Variants in CLIP1 observed in about 807,000 individuals in gnomAD.
The protein encoded by CLIP1 is CAP-Gly domain containing linker protein 1.
A neutral mutation model predicts 161.6 loss-of-function variants in CLIP1; 66 were observed. That is an observed-to-expected ratio of 0.41 (90% confidence interval 0.33 to 0.50). CLIP1 has a LOEUF of 0.50. Among genes scored for constraint, CLIP1 ranks in the 20% least tolerant of loss-of-function variants. The pLI, the probability that CLIP1 is intolerant of heterozygous loss-of-function variation, is 0.27. For missense variants in CLIP1, 1,376 were observed against 1,702.0 expected (o/e 0.81, Z 3.37); for synonymous variants, 598 against 626.2 (o/e 0.96, Z 0.67).
Position 122,279,065 on chromosome 12 carries a change from G to A in CLIP1, c.3728C>T (p.Thr1243Ile), listed in dbSNP as rs1955544331. Residue 1243 changes from threonine to isoleucine, a missense_variant, in exon 22 of 26, where the codon ACA (threonine) becomes ATA (isoleucine). By Grantham distance (89) the Thr-to-Ile change is moderately conservative. Around this residue, in one of 6 missense-constraint regions of CLIP1, gnomAD observed 948 missense variants for 1,134.8 expected, o/e 0.84. Transcript: ENST00000620786. This position sits in a 1 kb window ranked among gnomAD's most constrained non-coding sequence, Gnocchi z 4.5. ...TTTCTCCAGCTCGGCATCCTTTTCT[G>A]TGAGTAAGGCACTAGTTATACTGAT... is the stretch of plus-strand genomic sequence containing the variant. Reference protein sequence around the residue: ...KSISITSALLTEKDAELEKLR... With the variant: ...KSISITSALLIEKDAELEKLR... 1 of 1,613,258 alleles carries A rather than the reference G, an allele frequency of 6.2e-7. No individual in the cohort carries two copies. Among genetic ancestry groups the A allele is most frequent in the Non-Finnish European group, 8.5e-7 (1 of 1,179,846 alleles).
chr12:122,365,684 A>AG (rs1954114769), intron 3 of CLIP1: 1 of 675,234 alleles, frequency 1.5e-6, no homozygotes, highest in Non-Finnish European at 2.6e-6. Context: ...ATTTAAAAAA[A>AG]AAAAAAAAGA....
rs1191020999 is a variant in CLIP1 at position 122,357,798 on chromosome 12, C to T, written c.1006-2486G>A. 1.1e-4 allele frequency among the ~76,000 whole-genome samples: 16 copies of T among 150,438 alleles called. 1 individual carries two copies. Among genetic ancestry groups the T allele is most frequent in the Non-Finnish European group, 7.4e-5 (5 of 67,324 alleles). On this transcript the variant is annotated intron_variant, in intron 5 of 25. Coordinates refer to ENST00000620786, the MANE Select transcript of CLIP1 (RefSeq NM_001247997.2). ...AGCCCCTCTGCCCGGCTAGCCGCCC[C>T]ATCCGGGAGGGAGGTGGGGGGGGTC... is the stretch of plus-strand genomic sequence containing the variant.
chr12:122,357,880 C>T (rs1301484694), intron 5 of CLIP1, among the ~76,000 whole-genome samples: 1 of 151,806 alleles, frequency 6.6e-6, no homozygotes, highest in Non-Finnish European at 1.5e-5. Flanking sequence ...TCTGCTCGGC[C>T]GCCCCTACTG....
intron 21 of CLIP1, among the ~76,000 whole-genome samples, 192 bp downstream of exon 21, chr12:122,288,297 T>A (rs1271922880): frequency 1.3e-5 from 2 of 152,182 alleles, no homozygotes; most frequent in African/African-American, 4.8e-5. Flanking sequence ...GTGCTGGGAT[T>A]ACAGGTGTGA....
Position 122,279,930 on chromosome 12 carries a change from A to T in CLIP1, c.3648-785T>A, listed in dbSNP as rs1371475848. On this transcript the variant is annotated intron_variant, in intron 21 of 25. Transcript: ENST00000620786. The surrounding 1 kb of genome is among the most constrained non-coding windows in gnomAD (Gnocchi z 4.5). ...TGGTTATCAGCAGAGGGCGGGGATG[A>T]GGCCTTTAATGAGAGGGTTGTGGGA... 1 of 152,256 alleles carries T rather than the reference A, an allele frequency of 6.6e-6. No homozygotes were observed. The highest frequency in any genetic ancestry group is 1.5e-5 in the Non-Finnish European group (1 of 68,086). 9.4% of individuals were successfully genotyped at this position (152,256 alleles called of 1,614,324 possible). A position where few individuals can be genotyped will look rare whatever the true frequency, so the allele number is the denominator to read the frequency against.
At chr12:122,352,831 A>G in intron 7 of CLIP1, 45 bp from the exon 8 acceptor site, 1 of 1,493,954 alleles carries the variant, frequency 6.7e-7, no homozygotes, top group Non-Finnish European at 9.3e-7. Flanking sequence ...ACTAAGTAAC[A>G]CACAGCCTTT....
chr12:122,380,539 A>G lies in CLIP1; in HGVS notation c.-87T>C, dbSNP rs2136834833. 4 of 731,354 alleles carry G rather than the reference A, an allele frequency of 5.5e-6. No individual in the cohort carries two copies. The South Asian group carries it at 7.6e-5, about 14-fold the overall frequency. 45.3% of individuals were successfully genotyped at this position (731,354 alleles called of 1,614,324 possible). ...GATACAACTGTGGGTTCTATAGTGA[A>G]GTCAGTCTCTGGATTAAATCTGCAA... On this transcript the variant is annotated 5_prime_UTR_variant, in exon 2 of 26. Transcript: ENST00000620786.
rs369998811 is a variant in CLIP1 at position 122,398,157 on chromosome 12, T to C, written c.-106-17599A>G. Among the ~76,000 whole-genome samples, 14 of 151,322 alleles carry C rather than the reference T, an allele frequency of 9.3e-5. No individual in the cohort carries two copies. In the South Asian group the frequency reaches 2.3e-3, roughly 25 times the overall value. The stretch of plus-strand genomic sequence containing the variant: ...GGGACTGGGCTTGGTGGCTCATGCC[T>C]GTAATCGCAGCACTTCGGAAGGCCA... On this transcript the variant is annotated intron_variant, in intron 1 of 25. Coordinates refer to ENST00000620786, the MANE Select transcript of CLIP1 (RefSeq NM_001247997.2).
chr12:122,279,005 G>A lies in CLIP1; in HGVS notation c.3765+23C>T, dbSNP rs375838255. 488 of 1,607,568 alleles carry A rather than the reference G, an allele frequency of 3.0e-4. No individual in the cohort carries two copies. Among genetic ancestry groups the A allele is most frequent in the Non-Finnish European group, 3.7e-4 (435 of 1,177,944 alleles). ...ACGAAAGGAGGCCGCGTGAAAGCTC[G>A]TGCACCCTGGGTGGTACTCTACCTC... is the stretch of plus-strand genomic sequence containing the variant. On this transcript the variant is annotated intron_variant, in intron 22 of 25. Transcript: ENST00000620786. This position sits in a 1 kb window ranked among gnomAD's most constrained non-coding sequence, Gnocchi z 4.5.
intron 6 of CLIP1, 90 bp from the exon 7 acceptor site, chr12:122,354,646 G>T: frequency 1.0e-6 from 1 of 1,000,228 alleles, no homozygotes; most frequent in Non-Finnish European, 1.6e-6. Context: ...GGGTCACCAT[G>T]GTGGGTGGGC....
At chr12:122,354,167 G>A (rs1185836585) in intron 7 of CLIP1, among the ~76,000 whole-genome samples, 23 of 151,986 alleles carry the variant, frequency 1.5e-4, no homozygotes. Context: ...GGCTGAGGCA[G>A]ATGGATCTCC....
chr12:122,366,609 G>A (rs1046055771), intron 3 of CLIP1, among the ~76,000 whole-genome samples: 1 of 152,228 alleles, frequency 6.6e-6, no homozygotes, highest in Non-Finnish European at 1.5e-5. Flanking sequence ...GGGAGGCCAA[G>A]GCAGGCGGAT....
At chr12:122,356,550 G>A (rs946025110) in intron 5 of CLIP1, among the ~76,000 whole-genome samples, 4 of 151,960 alleles carry the variant, frequency 2.6e-5, no homozygotes, top group Non-Finnish European at 4.4e-5. Context: ...CAACAGCAGC[G>A]CACACAGTAA....
intron 20 of CLIP1, among the ~76,000 whole-genome samples, chr12:122,290,003 C>T (rs1048833231): frequency 3.3e-5 from 5 of 151,994 alleles, no homozygotes; most frequent in Admixed American, 6.6e-5. Context: ...GACAGGGTTT[C>T]GCCATGTTGG....
In CLIP1 at chr12:122,380,383, T is replaced by C; in HGVS notation, c.70A>G (p.Lys24Glu). 1 of 1,613,386 alleles carries C rather than the reference T, an allele frequency of 6.2e-7. No homozygotes were observed. Among genetic ancestry groups the C allele is most frequent in the Non-Finnish European group, 8.5e-7 (1 of 1,179,498 alleles). Residue 24 changes from lysine to glutamate, a missense_variant, in exon 2 of 26, where the codon AAG becomes GAG. Lys to Glu is a moderately conservative substitution (Grantham distance 56). Around this residue, in one of 6 missense-constraint regions of CLIP1, gnomAD observed 66 missense variants for 67.8 expected, o/e 0.97. Coordinates refer to ENST00000620786, the MANE Select transcript of CLIP1 (RefSeq NM_001247997.2). Reference sequence around the variant, plus strand: ...AAAGTATTACCAGCCGTAGGTGTCTTCAGAGCTGTGCTTCCAGGCTTCAGG... The same window carrying C: ...AAAGTATTACCAGCCGTAGGTGTCTCCAGAGCTGTGCTTCCAGGCTTCAGG... Reference protein sequence around the residue: ...KILKPGSTALKTPTAVVAPVE... With the variant: ...KILKPGSTALETPTAVVAPVE...
At chr12:122,339,400 C>T (rs942141854) in intron 11 of CLIP1, among the ~76,000 whole-genome samples, 7 of 152,020 alleles carry the variant, frequency 4.6e-5, no homozygotes, top group Admixed American at 1.3e-4. Flanking sequence ...TACAGTGGCA[C>T]GATCTCAGCT....
intron 5 of CLIP1, among the ~76,000 whole-genome samples, chr12:122,356,718 G>A (rs1326418065): frequency 1.3e-5 from 2 of 151,784 alleles, no homozygotes; most frequent in Non-Finnish European, 2.9e-5. Context: ...CTGCCATCTC[G>A]GCTCACTGCA....
chr12:122,375,059 C>T (rs1954651624), intron 3 of CLIP1, among the ~76,000 whole-genome samples: 1 of 152,070 alleles, frequency 6.6e-6, no homozygotes, highest in African/African-American at 2.4e-5. Flanking sequence ...TGTAGCCTTG[C>T]TTATGGAGGT....
intron 4 of CLIP1, among the ~76,000 whole-genome samples, chr12:122,361,515 G>A (rs749265244): frequency 4.6e-5 from 7 of 152,186 alleles, no homozygotes; most frequent in African/African-American, 7.2e-5. Flanking sequence ...TAATAAAACC[G>A]TGCCAAACAA....
Sources: allele counts gnomAD v4.1 joint callset (sites outside exome capture counted in the v4.1 genomes callset), GRCh38; gene constraint gnomAD v4.1.1; regional missense constraint gnomAD v4.1.1; non-coding constraint Gnocchi (gnomAD v3.1); transcripts MANE v1.5; gene names NCBI Gene and HGNC (gene_info 2026-07-23, HGNC 2026-07-21).